RDH11: variants seen among roughly 807,000 people sequenced by gnomAD.
RDH11 encodes the protein HCV core-binding protein HCBP12.
In RDH11, 19 loss-of-function variants were observed where a neutral mutation model predicts 33.4. The ratio of observed to expected loss-of-function variants is 0.57; its 90% confidence interval spans 0.40 to 0.83. RDH11 has a LOEUF of 0.83. Ranked by LOEUF, RDH11 falls within the 40% of genes least tolerant of loss-of-function variation. The pLI is 0.00. For synonymous variants in RDH11, 154 were observed against 155.3 expected (o/e 0.99, Z 0.06); for missense variants, 353 against 389.0 (o/e 0.91, Z 0.78).
intron 5 of RDH11, among the ~76,000 whole-genome samples, chr14:67,687,045 T>C (rs1463308912): frequency 6.6e-6 from 1 of 152,214 alleles, no homozygotes; most frequent in Non-Finnish European, 1.5e-5. Context: ...GTTCCCGACA[T>C]GCCCAATCAG....
chr14:67,685,196 C>T lies in RDH11; in HGVS notation c.673G>A (p.Val225Ile), dbSNP rs200511286. ...ELARRLKGSG[V>I]TTYSVHPGTV... ...CCAGGGTGTACAGAATACGTCGTAA[C>T]GCCAGAGCCTGGTTGGGGGTGGCAT... is the stretch of plus-strand genomic sequence containing the variant. Residue 225 changes from valine to isoleucine, a missense_variant, in exon 6 of 7, where the codon GTT becomes ATT. Transcript: ENST00000381346. The T allele has an allele frequency of 2.3e-5, 37 of 1,611,036 alleles. No homozygotes were observed. The highest frequency in any genetic ancestry group is 3.3e-4 in the Middle Eastern group (2 of 6,048).
At chr14:67,687,644 T>C (rs2037697315) in intron 5 of RDH11, among the ~76,000 whole-genome samples, 1 of 151,826 alleles carries the variant, frequency 6.6e-6, no homozygotes, top group African/African-American at 2.4e-5. Flanking sequence ...GCTAATTTTG[T>C]ATTTTTAGTA....
At chr14:67,685,267 C>G (rs2273160) in intron 5 of RDH11, 63 bp from the exon 6 acceptor site, 184,830 of 1,375,826 alleles carry the variant, frequency 0.13, 14,973 homozygotes, top group South Asian at 0.31. Flanking sequence ...TAGCCCAAAA[C>G]AGAAAAGGAT....
At chr14:67,686,362 G>A (rs1001954726) in intron 5 of RDH11, 2 of 151,498 alleles carry the variant, frequency 1.3e-5, no homozygotes, top group Non-Finnish European at 2.9e-5. Context: ...GATGCAGCTG[G>A]GCGTGGTGGC....
chr14:67,695,528 C>G (rs2037819487), intron 1 of RDH11, 102 bp downstream of exon 1: 1 of 1,162,596 alleles, frequency 8.6e-7, no homozygotes, highest in East Asian at 2.6e-5. Flanking sequence ...ATCTTGGAGC[C>G]CCCCCAGGGG....
At chr14:67,688,998 A>G (rs369934879) in intron 5 of RDH11, among the ~76,000 whole-genome samples, 26 of 152,218 alleles carry the variant, frequency 1.7e-4, no homozygotes, top group Non-Finnish European at 2.9e-4. Context: ...TTACTGCACC[A>G]TAATGATTTT....
At chr14:67,688,598 CTTT>C (rs34047695) in intron 5 of RDH11, among the ~76,000 whole-genome samples, 12 of 136,508 alleles carry the variant, frequency 8.8e-5, no homozygotes, top group Non-Finnish European at 7.9e-5. Flanking sequence ...GCTTTGAACT[CTTT>C]TTTTTTTTTT....
intron 5 of RDH11, chr14:67,689,984 A>T (rs1382892307): frequency 2.0e-6 from 1 of 507,496 alleles, no homozygotes. Context: ...TAGATCACAC[A>T]GCTAGTAAGT....
At chr14:67,680,403 G>T (rs186610271) in intron 6 of RDH11, among the ~76,000 whole-genome samples, 1 of 152,274 alleles carries the variant, frequency 6.6e-6, no homozygotes, top group East Asian at 1.9e-4. Flanking sequence ...TAAGAGCAAA[G>T]AACACAGTTG....
In RDH11 at chr14:67,695,754, G is replaced by A; in HGVS notation, c.-51C>T. 3.2e-6 allele frequency: 5 copies of A among 1,550,192 alleles called. No individual in the cohort carries two copies. The highest frequency in any genetic ancestry group is 1.1e-5 in the South Asian group (1 of 88,906). On this transcript the variant is annotated 5_prime_UTR_variant, in exon 1 of 7. Transcript: ENST00000381346. ...GCGGGATGCTCCAGCGTTGCTCGCC[G>A]ACTATGGCTTCTCTTTCTAGACACG...
intron 6 of RDH11, among the ~76,000 whole-genome samples, chr14:67,683,736 G>A (rs549643434): frequency 2.6e-4 from 39 of 152,288 alleles, no homozygotes; most frequent in African/African-American, 8.9e-4. Flanking sequence ...GCAATGCCCC[G>A]GCTGGCTGAC....
chr14:67,681,722 C>T (rs1196448112), intron 6 of RDH11, among the ~76,000 whole-genome samples: 4 of 152,126 alleles, frequency 2.6e-5, no homozygotes, highest in African/African-American at 9.7e-5. Context: ...GCGGAGGTTG[C>T]AGTGAGCAGC....
At chr14:67,692,616 G>A (rs1380425571) in intron 2 of RDH11, 23 bp from the exon 3 acceptor site, 3 of 1,529,726 alleles carry the variant, frequency 2.0e-6, no homozygotes, top group Admixed American at 2.3e-5. Context: ...ATATGAAAGA[G>A]AAATGGTCAG....
intron 5 of RDH11, among the ~76,000 whole-genome samples, chr14:67,687,467 C>CTT (rs67069556): frequency 2.5e-5 from 2 of 79,700 alleles, no homozygotes; most frequent in Admixed American, 1.4e-4. Context: ...CTCCATATTC[C>CTT]TTTTTTTTTT....
intron 1 of RDH11, 94 bp downstream of exon 1, chr14:67,695,536 G>T: frequency 7.8e-7 from 1 of 1,275,870 alleles, no homozygotes; most frequent in Non-Finnish European, 1.1e-6. Flanking sequence ...GCCCCCCCAG[G>T]GGAGTTTTCC....
rs113045021 is a variant in RDH11, at chr14:67,687,165, A to C, written c.665-1961T>G. Among the ~76,000 whole-genome samples, 124 of 152,284 alleles carry C rather than the reference A, an allele frequency of 8.1e-4. 2 individuals carry two copies. The highest frequency in any genetic ancestry group is 2.7e-3 in the African/African-American group (112 of 41,578). ...CTACTACCCTCCAATTCCACCACCT[A>C]GTCCAAACTACCCTCATTTCTCACC... is the stretch of plus-strand genomic sequence containing the variant. On this transcript the variant is annotated intron_variant, in intron 5 of 6. Transcript: ENST00000381346.
At chr14:67,681,548 C>T (rs569304245) in intron 6 of RDH11, among the ~76,000 whole-genome samples, 2 of 152,130 alleles carry the variant, frequency 1.3e-5, no homozygotes, top group African/African-American at 2.4e-5. Flanking sequence ...TTTGGGAGGC[C>T]GAGGAGGGGG....
At chr14:67,686,121 G>C (rs1039865532) in intron 5 of RDH11, 3 of 152,310 alleles carry the variant, frequency 2.0e-5, no homozygotes, top group Admixed American at 2.0e-4. Context: ...CTGAACTGCA[G>C]ACACACTGGG....
At chr14:67,687,659 T>A (rs1594850560) in intron 5 of RDH11, among the ~76,000 whole-genome samples, 1 of 151,790 alleles carries the variant, frequency 6.6e-6, no homozygotes. Flanking sequence ...TTAGTAGAGA[T>A]GGGGTTTCTC....
Sources: allele counts gnomAD v4.1 joint callset (sites outside exome capture counted in the v4.1 genomes callset), GRCh38; gene constraint gnomAD v4.1.1; transcripts MANE v1.5; gene names NCBI Gene and HGNC (gene_info 2026-07-23, HGNC 2026-07-21).